Variants in SYNRG observed in about 807,000 individuals in gnomAD.
SYNRG encodes synergin gamma.
SYNRG carries 37 observed loss-of-function variants against 130.9 expected under a neutral mutation model. That is an observed-to-expected ratio of 0.28 (90% CI 0.22 to 0.37). The LOEUF is 0.37. SYNRG is among the 10% of genes least tolerant of loss of function. The pLI is 1.00. For missense variants in SYNRG, 1,338 were observed against 1,588.9 expected, an observed-to-expected ratio of 0.84 and a Z score of 2.68; for synonymous variants, 539 against 568.1, an observed-to-expected ratio of 0.95 and a Z score of 0.73.
rs748808976 is a variant in SYNRG at position 37,538,444 on chromosome 17, C to T, written c.3421-24G>A. The T allele has an allele frequency of 2.6e-6, 4 of 1,510,982 alleles. No homozygotes were observed. The Admixed American group carries it at 5.8e-5, about 22-fold the overall frequency. 93.6% of individuals were successfully genotyped at this position (1,510,982 alleles called of 1,614,324 possible). A position where few individuals can be genotyped will look rare whatever the true frequency, so the allele number is the denominator to read the frequency against. On this transcript the variant is annotated intron_variant, in intron 17 of 21. Transcript: ENST00000612223. ...ACCTACAAGAAATGAAATCACATCA[C>T]CTTACATAACTGAGAAAAGTCATTG...
At chr17:37,569,490 T>TCTTTAAAA (rs1487147565) in intron 10 of SYNRG, among the ~76,000 whole-genome samples, 12 of 148,282 alleles carry the variant, frequency 8.1e-5, no homozygotes, top group African/African-American at 2.5e-4. Context: ...GCGCCTACCA[T>TCTTTAAAA]CTTTAAAAGA....
chr17:37,564,010 A>C (rs1485044864), intron 11 of SYNRG, among the ~76,000 whole-genome samples: 1 of 151,480 alleles, frequency 6.6e-6, no homozygotes, highest in East Asian at 1.9e-4. Flanking sequence ...GGCCTGGGTA[A>C]TTTTTGTATT....
At chr17:37,526,389 A>G (rs1166470101) in intron 19 of SYNRG, among the ~76,000 whole-genome samples, 1 of 152,230 alleles carries the variant, frequency 6.6e-6, no homozygotes, top group African/African-American at 2.4e-5. Flanking sequence ...ACCTAGTCTA[A>G]TTTGACTGAT....
chr17:37,578,568 C>T (rs2061040162), intron 6 of SYNRG, among the ~76,000 whole-genome samples: 1 of 152,204 alleles, frequency 6.6e-6, no homozygotes, highest in Non-Finnish European at 1.5e-5. Flanking sequence ...GTAACATCAT[C>T]ATCATCTCTT....
At chr17:37,526,324 GA>G (rs2055914758) in intron 19 of SYNRG, among the ~76,000 whole-genome samples, 1 of 152,202 alleles carries the variant, frequency 6.6e-6, no homozygotes, top group South Asian at 2.1e-4. Flanking sequence ...GCCTGAGCAA[GA>G]AATAAAGCTT....
chr17:37,590,438 T>C (rs1360578285), intron 3 of SYNRG, among the ~76,000 whole-genome samples: 1 of 152,072 alleles, frequency 6.6e-6, no homozygotes, highest in African/African-American at 2.4e-5. Context: ...AGCAAAACAT[T>C]AGAAGCAATT....
chr17:37,525,945 A>G (rs990887151), intron 19 of SYNRG, among the ~76,000 whole-genome samples: 1 of 152,186 alleles, frequency 6.6e-6, no homozygotes, highest in Non-Finnish European at 1.5e-5. Context: ...CAGCCTGGGC[A>G]ACAGAGCGAG....
intron 18 of SYNRG, chr17:37,536,503 G>A (rs1021648628): frequency 5.2e-6 from 1 of 193,820 alleles, no homozygotes; most frequent in Non-Finnish European, 1.0e-5. Context: ...ACAGTGCTTG[G>A]AGAATGGCAG....
intron 13 of SYNRG, among the ~76,000 whole-genome samples, chr17:37,555,672 G>C (rs1427889537): frequency 6.6e-6 from 1 of 152,164 alleles, no homozygotes; most frequent in Non-Finnish European, 1.5e-5. Flanking sequence ...AGACCAAGGA[G>C]GGTGTATCAC....
At chr17:37,584,934 C>T (rs1199746963) in intron 5 of SYNRG, among the ~76,000 whole-genome samples, 175 bp from the exon 6 acceptor site, 1 of 152,130 alleles carries the variant, frequency 6.6e-6, no homozygotes, top group Non-Finnish European at 1.5e-5. Flanking sequence ...CAATGACACT[C>T]CACAGAAAAT....
At chr17:37,583,422 T>C (rs1468119746) in intron 6 of SYNRG, among the ~76,000 whole-genome samples, 1 of 152,174 alleles carries the variant, frequency 6.6e-6, no homozygotes, top group Non-Finnish European at 1.5e-5. Context: ...TGGGGCATAC[T>C]TTTGGAATGG....
At chr17:37,596,623 C>T (rs2062797166) in intron 2 of SYNRG, among the ~76,000 whole-genome samples, 1 of 152,182 alleles carries the variant, frequency 6.6e-6, no homozygotes, top group Non-Finnish European at 1.5e-5. Flanking sequence ...AATTGGGGTA[C>T]TCAGCCTTCA....
At position 37,521,847 on chromosome 17, in the gene SYNRG, C is replaced by A. The variant is rs908884845; in HGVS notation, c.3667-1199G>T. 2.0e-5 allele frequency among the ~76,000 whole-genome samples: 3 copies of A among 151,948 alleles called. No homozygotes were observed. The East Asian group carries it at 5.8e-4, about 29-fold the overall frequency. Reference sequence around the variant, plus strand: ...CTGCTGGATGGGAGAGGTTGGGGGACCCGGGCAGCTGAGAGGATTCACCAT... The same window carrying A: ...CTGCTGGATGGGAGAGGTTGGGGGAACCGGGCAGCTGAGAGGATTCACCAT... On this transcript the variant is annotated intron_variant, in intron 19 of 21. Coordinates refer to ENST00000612223, the MANE Select transcript of SYNRG (RefSeq NM_007247.6).
intron 6 of SYNRG, among the ~76,000 whole-genome samples, chr17:37,582,404 T>C (rs1257665814): frequency 6.6e-6 from 1 of 152,244 alleles, no homozygotes; most frequent in South Asian, 2.1e-4. Context: ...GGTTCCCAGC[T>C]ACTTAAAATA....
chr17:37,594,819 T>A (rs1161342510), intron 3 of SYNRG, among the ~76,000 whole-genome samples: 6 of 152,206 alleles, frequency 3.9e-5, no homozygotes. Flanking sequence ...TTCGTCCTGG[T>A]ATATTCCTCC....
chr17:37,540,689 C>T (rs534458391), intron 15 of SYNRG, 146 bp from the exon 16 acceptor site: 27 of 927,372 alleles, frequency 2.9e-5, no homozygotes, highest in Middle Eastern at 3.4e-4. Flanking sequence ...GACTGGAGTA[C>T]GGTGGTGTGA....
rs149000964 is a variant in SYNRG, at chr17:37,590,127, C to T, written c.241-3578G>A. Among the ~76,000 whole-genome samples, 824 of 149,696 alleles carry T rather than the reference C, an allele frequency of 5.5e-3. 6 individuals are homozygous for T. Among genetic ancestry groups the T allele is most frequent in the African/African-American group, 0.019 (774 of 40,518 alleles). On this transcript the variant is annotated intron_variant, in intron 3 of 21. Coordinates refer to ENST00000612223, the MANE Select transcript of SYNRG (RefSeq NM_007247.6). ...CGGCAGCTGCAGTGAGCTGAGATTG[C>T]GCCACATTCCAGCCTGGGCGACAGG...
intron 6 of SYNRG, among the ~76,000 whole-genome samples, chr17:37,581,388 G>A (rs554469825): frequency 1.6e-4 from 23 of 139,934 alleles, no homozygotes; most frequent in East Asian, 4.5e-4. Flanking sequence ...AGTGATTCTC[G>A]TGCCTCAGCC....
intron 1 of SYNRG, among the ~76,000 whole-genome samples, chr17:37,602,508 GACC>G (rs1180987848): frequency 3.3e-5 from 5 of 152,118 alleles, no homozygotes; most frequent in African/African-American, 1.2e-4. Context: ...ACTGAAGAAG[GACC>G]ACATTTCAAC....
Sources: gnomAD v4.1 joint callset for allele counts (sites outside exome capture counted in the v4.1 genomes callset) on GRCh38, gnomAD v4.1.1 for gene constraint, MANE v1.5 for transcripts, NCBI Gene and HGNC (gene_info 2026-07-23, HGNC 2026-07-21) for gene names.